STON2: variants seen among roughly 807,000 people sequenced by gnomAD.
STON2 encodes the protein stonin 2.
STON2 carries 29 observed loss-of-function variants against 65.7 expected under a neutral mutation model. The observed-to-expected ratio is 0.44, with a 90% CI of 0.33 to 0.60. The LOEUF (loss-of-function observed/expected upper bound fraction) is 0.60. Ranked by LOEUF, STON2 falls within the 20% of genes least tolerant of loss-of-function variation. STON2 has a pLI of 0.03. For missense variants in STON2, 1,054 were observed against 1,118.1 expected (o/e 0.94, Z 0.82); for synonymous variants, 404 against 414.2 (o/e 0.98, Z 0.30).
Position 81,371,009 on chromosome 14 carries a change from C to G in STON2, c.550G>C (p.Ala184Pro). 6.2e-7 allele frequency: 1 copy of G among 1,612,822 alleles called. No homozygotes were observed. The highest frequency in any genetic ancestry group is 8.5e-7 in the Non-Finnish European group (1 of 1,179,972). Residue 184 changes from alanine to proline, a missense_variant, in exon 4 of 8, where the codon GCT (alanine) becomes CCT (proline). Coordinates refer to ENST00000614646, the MANE Select transcript of STON2 (RefSeq NM_001394390.1). ...INAEEQTSGQ[A>P]SGADSTDKRT... The stretch of plus-strand genomic sequence containing the variant: ...TTACCAGTTGAGTCAGCCCCAGAAG[C>G]CTGGCCACTCGTCTGCTCCTCAGCA...
intron 3 of STON2, among the ~76,000 whole-genome samples, chr14:81,386,814 C>G (rs1899830116): frequency 6.6e-6 from 1 of 152,014 alleles, no homozygotes; most frequent in South Asian, 2.1e-4. Flanking sequence ...TAAGGATGAA[C>G]TTTGCTCTTT....
chr14:81,372,715 T>C (rs1899062325), intron 3 of STON2, among the ~76,000 whole-genome samples: 1 of 152,214 alleles, frequency 6.6e-6, no homozygotes, highest in East Asian at 1.9e-4. Context: ...ACAAATGTCT[T>C]GTTTCATCCA....
intron 3 of STON2, among the ~76,000 whole-genome samples, chr14:81,390,046 T>C (rs956197405): frequency 4.6e-5 from 7 of 150,786 alleles, no homozygotes; most frequent in African/African-American, 1.7e-4. Context: ...AACCCATCTC[T>C]ACTAAAAATA....
Position 81,411,890 on chromosome 14 carries a change from T to C in STON2, c.-198-13310A>G, listed in dbSNP as rs774536864. Among the ~76,000 whole-genome samples the C allele has an allele frequency of 4.2e-4, 59 of 141,958 alleles. 14 individuals are homozygous for C. The highest frequency in any genetic ancestry group is 1.6e-3 in the African/African-American group (56 of 35,132). The allele number at this position is 141,958 out of a possible 152,430, so 93.1% of individuals were successfully genotyped here. On this transcript the variant is annotated intron_variant, in intron 2 of 8. Transcript: ENST00000553821. ...AAGGAATAACAAGGAATCTTATACA[T>C]AGAGTGACAGAAGATGTCTCTGAAG...
chr14:81,395,827 T>C lies in STON2; in HGVS notation c.373+67A>G, dbSNP rs777991766. 301 of 1,535,462 alleles carry C rather than the reference T, an allele frequency of 2.0e-4. 1 individual carries two copies. The highest frequency in any genetic ancestry group is 2.4e-4 in the Non-Finnish European group (270 of 1,119,246). ...ATGAAATGGAATCCTGGCAGCCCTA[T>C]AGACCTCTCACTGAAAAGCATCCCT... is the stretch of plus-strand genomic sequence containing the variant. On this transcript the variant is annotated intron_variant, in intron 3 of 7. Transcript: ENST00000614646.
chr14:81,301,236 T>C (rs550137974), intron 5 of STON2, among the ~76,000 whole-genome samples: 1 of 152,312 alleles, frequency 6.6e-6, no homozygotes, highest in South Asian at 2.1e-4. Context: ...GAACATACTC[T>C]ATTTGTTACT....
chr14:81,330,553 A>T (rs1203133574), intron 4 of STON2, among the ~76,000 whole-genome samples: 2 of 152,234 alleles, frequency 1.3e-5, no homozygotes, highest in Non-Finnish European at 2.9e-5. Flanking sequence ...CATATTTATT[A>T]AAAATGTATT....
rs1405011076 is a variant in STON2, at chr14:81,262,894, T to C, written c.*5520A>G. On this transcript the variant is annotated 3_prime_UTR_variant, in exon 8 of 8. Transcript: ENST00000614646. ...ACGTTTAATTCCTTAAACACATAAA[T>C]ATGAGTCATGATATCTAAAGCCAGT... The C allele has an allele frequency of 1.2e-5, 12 of 985,324 alleles. No individual in the cohort carries two copies. Among genetic ancestry groups the C allele is most frequent in the Non-Finnish European group, 1.4e-5 (12 of 829,926 alleles). The allele number at this position is 985,324 out of a possible 1,614,324, so 61.0% of individuals were successfully genotyped here.
intron 4 of STON2, among the ~76,000 whole-genome samples, chr14:81,329,222 G>A (rs1897113150): frequency 6.6e-6 from 1 of 152,208 alleles, no homozygotes; most frequent in East Asian, 1.9e-4. Context: ...TTGGGAGGCC[G>A]AGGCGGGCAG....
At chr14:81,340,728 C>T (rs1897576423) in intron 4 of STON2, among the ~76,000 whole-genome samples, 1 of 152,108 alleles carries the variant, frequency 6.6e-6, no homozygotes, top group African/African-American at 2.4e-5. Flanking sequence ...TGCACACAGA[C>T]ACCAACTCGC....
Sources: allele counts gnomAD v4.1 joint callset (sites outside exome capture counted in the v4.1 genomes callset), GRCh38; gene constraint gnomAD v4.1.1; transcripts MANE v1.5; gene names NCBI Gene and HGNC (gene_info 2026-07-23, HGNC 2026-07-21).